SLC24A3: variants seen among roughly 807,000 people sequenced by gnomAD.
SLC24A3 encodes the protein sodium/potassium/calcium exchanger 3.
A neutral mutation model predicts 75.8 loss-of-function variants in SLC24A3; 28 were observed. That is an observed-to-expected ratio of 0.37 (90% CI 0.27 to 0.51). The LOEUF is 0.51. Among genes scored for constraint, SLC24A3 ranks in the 20% least tolerant of loss-of-function variants. The probability of loss-of-function intolerance (pLI) is 0.94; values close to 1 mark genes in which losing one functional copy is unlikely to be tolerated. For missense variants in SLC24A3, 663 were observed against 847.8 expected (o/e 0.78, Z 2.71); for synonymous variants, 372 against 334.1 (o/e 1.11, Z -1.24).
At chr20:19,588,293 A>G (rs1473918574) in intron 6 of SLC24A3, among the ~76,000 whole-genome samples, 1 of 152,200 alleles carries the variant, frequency 6.6e-6, no homozygotes, top group African/African-American at 2.4e-5. Context: ...TTCACTTAGC[A>G]TTTTATTTAT....
intron 4 of SLC24A3, among the ~76,000 whole-genome samples, chr20:19,581,974 T>C (rs1422950007): frequency 1.6e-4 from 24 of 152,198 alleles, no homozygotes; most frequent in Non-Finnish European, 1.5e-5. Flanking sequence ...GCAAGATTCA[T>C]ATAACAAGAG....
intron 2 of SLC24A3, among the ~76,000 whole-genome samples, chr20:19,465,947 C>T (rs911455261): frequency 1.3e-5 from 2 of 152,208 alleles, no homozygotes; most frequent in Non-Finnish European, 2.9e-5. Context: ...CTAGGAGCTT[C>T]TTCTGTGTAT....
intron 2 of SLC24A3, among the ~76,000 whole-genome samples, chr20:19,299,883 C>T (rs1984155435): frequency 6.6e-6 from 1 of 152,206 alleles, no homozygotes; most frequent in African/African-American, 2.4e-5. Context: ...TTGTATTTCA[C>T]ACAAAATCTT....
intron 2 of SLC24A3, among the ~76,000 whole-genome samples, chr20:19,474,891 C>A (rs2122511360): frequency 6.6e-6 from 1 of 152,278 alleles, no homozygotes; most frequent in Middle Eastern, 3.4e-3. Context: ...CTCCCCCAGC[C>A]CCTGGTAACC....
intron 1 of SLC24A3, among the ~76,000 whole-genome samples, chr20:19,275,862 G>C (rs1413786869): frequency 6.6e-6 from 1 of 152,046 alleles, no homozygotes; most frequent in African/African-American, 2.4e-5. Flanking sequence ...CCTGCAGACT[G>C]CCTCCACCCG....
chr20:19,684,294 C>A lies in SLC24A3; in HGVS notation c.1020C>A (p.Pro340=), dbSNP rs747584905. Residue 340 remains proline (P), a synonymous_variant, in exon 11 of 17, where the codon CCC becomes CCA. Coordinates refer to ENST00000328041, the MANE Select transcript of SLC24A3 (RefSeq NM_020689.4). ...TCATGATAACCAGCCACTTTCCCCC[C>A]AAGACCCGGCTCTCCATGGCCAGTC... is the stretch of plus-strand genomic sequence containing the variant. ...LRIMITSHFP[P]KTRLSMASRM... The A allele has an allele frequency of 9.7e-5, 156 of 1,614,000 alleles. No homozygotes were observed. Among genetic ancestry groups the A allele is most frequent in the Non-Finnish European group, 1.2e-4 (147 of 1,180,014 alleles).
chr20:19,631,073 G>GT lies in SLC24A3; in HGVS notation c.613-22988dup, dbSNP rs201554941. 9.2e-3 allele frequency among the ~76,000 whole-genome samples: 1,403 copies of GT among 152,354 alleles called. 31 individuals carry two copies. The highest frequency in any genetic ancestry group is 0.032 in the African/African-American group (1,329 of 41,578). On this transcript the variant is annotated intron_variant, in intron 6 of 16. Coordinates refer to ENST00000328041, the MANE Select transcript of SLC24A3 (RefSeq NM_020689.4). Reference sequence around the variant, plus strand: ...ATGAAAGTATTGTGTGTTGGGCACAGTGGCTCATGCCTGTAATTGTAGCAC... The same window carrying GT: ...ATGAAAGTATTGTGTGTTGGGCACAGTTGGCTCATGCCTGTAATTGTAGCAC...
chr20:19,394,201 T>A (rs1253233173), intron 2 of SLC24A3, among the ~76,000 whole-genome samples: 1 of 152,090 alleles, frequency 6.6e-6, no homozygotes, highest in Non-Finnish European at 1.5e-5. Flanking sequence ...TAGACAAAAA[T>A]TAAGTCAAAA....
At chr20:19,677,954 T>G (rs1191920201) in intron 9 of SLC24A3, among the ~76,000 whole-genome samples, 2 of 151,344 alleles carry the variant, frequency 1.3e-5, no homozygotes, top group African/African-American at 4.9e-5. Context: ...AAAGCACATC[T>G]TGCACCGCCC....
intron 2 of SLC24A3, among the ~76,000 whole-genome samples, chr20:19,380,546 A>G (rs1047984937): frequency 6.6e-6 from 1 of 152,188 alleles, no homozygotes. Context: ...TCAACCTCCG[A>G]TGATGGCTTT....
intron 2 of SLC24A3, among the ~76,000 whole-genome samples, chr20:19,373,909 A>C (rs1986033849): frequency 6.6e-6 from 1 of 152,184 alleles, no homozygotes. Context: ...TACGAACCCT[A>C]GATCCCTGGT....
At chr20:19,299,307 G>A (rs73284633) in intron 2 of SLC24A3, among the ~76,000 whole-genome samples, 3,052 of 152,000 alleles carry the variant, frequency 0.02, 41 homozygotes, top group African/African-American at 0.031. Context: ...AGTGCTGACT[G>A]CTGGCAAGCC....
intron 3 of SLC24A3, among the ~76,000 whole-genome samples, chr20:19,542,264 G>A (rs1391349823): frequency 6.6e-6 from 1 of 152,184 alleles, no homozygotes; most frequent in Non-Finnish European, 1.5e-5. Flanking sequence ...ATGTTTACTA[G>A]GTATTGAAAT....
At chr20:19,580,576 C>T (rs1237126885) in intron 4 of SLC24A3, among the ~76,000 whole-genome samples, 1 of 152,078 alleles carries the variant, frequency 6.6e-6, no homozygotes, top group Non-Finnish European at 1.5e-5. Context: ...GAATTGGCCA[C>T]GGAGATCAGG....
At chr20:19,473,802 C>T (rs1280071414) in intron 2 of SLC24A3, among the ~76,000 whole-genome samples, 2 of 152,202 alleles carry the variant, frequency 1.3e-5, no homozygotes, top group Non-Finnish European at 2.9e-5. Context: ...TAGGTGAGAT[C>T]GGGCTGGCCC....
intron 2 of SLC24A3, among the ~76,000 whole-genome samples, chr20:19,348,710 G>A (rs1254884578): frequency 6.6e-6 from 1 of 152,082 alleles, no homozygotes; most frequent in Non-Finnish European, 1.5e-5. Context: ...GGCCCTGACC[G>A]CCTGTGTCAC....
intron 6 of SLC24A3, among the ~76,000 whole-genome samples, chr20:19,610,328 TTAAAA>T (rs537239544): frequency 1.3e-4 from 20 of 152,184 alleles, no homozygotes; most frequent in South Asian, 2.1e-4. Flanking sequence ...AACATTAATC[TTAAAA>T]TAAACCCGAG....
chr20:19,481,080 T>G (rs566479714), intron 2 of SLC24A3, among the ~76,000 whole-genome samples: 2 of 152,294 alleles, frequency 1.3e-5, no homozygotes, highest in South Asian at 4.1e-4. Flanking sequence ...TTGGAGCACA[T>G]TCAGGGCATT....
intron 2 of SLC24A3, among the ~76,000 whole-genome samples, chr20:19,390,108 G>A (rs1986341127): frequency 6.6e-6 from 1 of 151,982 alleles, no homozygotes; most frequent in Non-Finnish European, 1.5e-5. Context: ...TACCATTTTG[G>A]TTTTTTGTTT....
Sources: allele counts gnomAD v4.1 joint callset (sites outside exome capture counted in the v4.1 genomes callset), GRCh38; gene constraint gnomAD v4.1.1; transcripts MANE v1.5; gene names NCBI Gene and HGNC (gene_info 2026-07-23, HGNC 2026-07-21).